WWOX: variants seen among roughly 807,000 people sequenced by gnomAD.
WWOX encodes WW domain-containing oxidoreductase.
In WWOX, 69 loss-of-function variants were observed where a neutral mutation model predicts 46.2. The observed-to-expected ratio is 1.49, with a 90% CI of 1.23 to 1.82. WWOX has a LOEUF of 1.82. Ranked by LOEUF, WWOX falls within the 40% of genes most tolerant of loss-of-function variation. The pLI is 0.00. For synonymous variants in WWOX, 359 were observed against 202.6 expected (o/e 1.77, Z -6.56); for missense variants, 919 against 542.6 (o/e 1.69, Z -6.89).
At chr16:78,844,955 T>C (rs977935024) in intron 8 of WWOX, among the ~76,000 whole-genome samples, 1 of 152,148 alleles carries the variant, frequency 6.6e-6, no homozygotes, top group African/African-American at 2.4e-5. Flanking sequence ...GACTGGCCTA[T>C]TGAGGCAGGA....
intron 5 of WWOX, among the ~76,000 whole-genome samples, chr16:78,326,343 C>A (rs1192666612): frequency 1.3e-5 from 2 of 152,110 alleles, no homozygotes; most frequent in African/African-American, 4.8e-5. Context: ...TATGATATGC[C>A]AATTTGGCAT....
At chr16:78,877,061 T>C (rs980090894) in intron 8 of WWOX, among the ~76,000 whole-genome samples, 2 of 152,186 alleles carry the variant, frequency 1.3e-5, no homozygotes, top group African/African-American at 4.8e-5. Context: ...AGAAACAAAT[T>C]CTTTTCCTTA....
intron 5 of WWOX, among the ~76,000 whole-genome samples, chr16:78,379,402 A>C (rs1303366431): frequency 6.6e-6 from 1 of 152,060 alleles, no homozygotes; most frequent in East Asian, 1.9e-4. Context: ...CTCCAGATAC[A>C]ATGGAGGCCA....
intron 7 of WWOX, 130 bp from the exon 8 acceptor site, chr16:78,432,358 A>C (rs1259946225): frequency 7.9e-7 from 1 of 1,260,636 alleles, no homozygotes; most frequent in Non-Finnish European, 1.1e-6. Flanking sequence ...CACTCGTCTA[A>C]GACTCCCAAA....
chr16:78,947,733 C>T (rs1178239759), intron 8 of WWOX, among the ~76,000 whole-genome samples: 1 of 152,132 alleles, frequency 6.6e-6, no homozygotes, highest in East Asian at 1.9e-4. Flanking sequence ...AAGAATGTGC[C>T]ACCTAGATGC....
At chr16:78,952,993 C>G (rs538040862) in intron 8 of WWOX, among the ~76,000 whole-genome samples, 1 of 149,956 alleles carries the variant, frequency 6.7e-6, no homozygotes, top group East Asian at 1.9e-4. Context: ...AAAAATCACG[C>G]ATTTCTCTGA....
chr16:78,664,197 G>C (rs1213393311), intron 8 of WWOX, among the ~76,000 whole-genome samples: 1 of 152,170 alleles, frequency 6.6e-6, no homozygotes, highest in African/African-American at 2.4e-5. Context: ...AAACAGGATG[G>C]ATTCAGGAAA....
intron 8 of WWOX, among the ~76,000 whole-genome samples, chr16:79,097,598 C>G (rs560939119): frequency 6.6e-6 from 1 of 152,192 alleles, no homozygotes; most frequent in South Asian, 2.1e-4. Context: ...AGAGAGAGCC[C>G]CTCAGGTTCT....
At chr16:78,135,406 G>A (rs1052222458) in intron 4 of WWOX, among the ~76,000 whole-genome samples, 4 of 152,148 alleles carry the variant, frequency 2.6e-5, no homozygotes, top group African/African-American at 4.8e-5. Context: ...CATAAAAGAC[G>A]TACAGTAGGC....
At chr16:78,099,950 G>A in intron 1 of WWOX, 65 bp downstream of exon 1, 1 of 1,530,938 alleles carries the variant, frequency 6.5e-7, no homozygotes, top group Non-Finnish European at 8.8e-7. Flanking sequence ...GACGCCACCT[G>A]CGCGGGGAGG....
At chr16:78,236,173 T>C (rs1440734253) in intron 5 of WWOX, among the ~76,000 whole-genome samples, 1 of 152,246 alleles carries the variant, frequency 6.6e-6, no homozygotes, top group Non-Finnish European at 1.5e-5. Context: ...TCTGAATCTT[T>C]CTAATCTCGT....
At chr16:78,499,519 G>A (rs186865787) in intron 8 of WWOX, among the ~76,000 whole-genome samples, 3 of 152,346 alleles carry the variant, frequency 2.0e-5, no homozygotes, top group Middle Eastern at 3.4e-3. Context: ...AGCGACTGCA[G>A]ATTACTCATC....
At chr16:78,672,548 G>A (rs1034348504) in intron 8 of WWOX, among the ~76,000 whole-genome samples, 1 of 152,188 alleles carries the variant, frequency 6.6e-6, no homozygotes, top group African/African-American at 2.4e-5. Context: ...AGTGTAGCAT[G>A]GCAAGAGAAG....
intron 5 of WWOX, among the ~76,000 whole-genome samples, chr16:78,196,401 T>A (rs1458542268): frequency 6.6e-6 from 1 of 152,240 alleles, no homozygotes; most frequent in Non-Finnish European, 1.5e-5. Context: ...TAATTACTGC[T>A]GTACTCTTTA....
At position 78,108,475 on chromosome 16, in the gene WWOX, C is replaced by T. The variant is rs587777248; in HGVS notation, c.160C>T (p.Arg54Ter). 6.8e-6 allele frequency: 11 copies of T among 1,612,980 alleles called. No individual in the cohort carries two copies. Among genetic ancestry groups the T allele is most frequent in the East Asian group, 6.7e-5 (3 of 44,870 alleles). The change falls in exon 2 of 9, where the codon CGA becomes TGA. Residue 54 changes from arginine (R) to a stop codon, truncating the protein, a stop_gained. Coordinates refer to ENST00000566780, the MANE Select transcript of WWOX (RefSeq NM_016373.4). LOFTEE classifies it high-confidence loss of function. ...ACATCCAAAAACTGGAAAAAGAAAACGAGTGGCAGGAGGTTTGTATGTTGT... is the reference window on the plus strand; with the variant it reads ...ACATCCAAAAACTGGAAAAAGAAAATGAGTGGCAGGAGGTTTGTATGTTGT... Reference protein sequence around the residue: ...WEHPKTGKRKRVAGDLPYGWE... With the variant: ...WEHPKTGKRK
At position 78,115,103 on chromosome 16, in the gene WWOX, C is replaced by G; in HGVS notation, c.358C>G (p.Arg120Gly). ...CACTGCCATGGAAATTCTCCAGGGC[C>G]GGGATTTCACTGGCAAAGTGGTTGT... The part of the protein sequence containing the change: ...STTAMEILQG[R>G]DFTGKVVVVT... The change falls in exon 4 of 9, where the codon CGG (arginine) becomes GGG (glycine). Residue 120 changes from arginine to glycine, a missense_variant. Physicochemically the swap from Arg to Gly is moderately radical, Grantham distance 125. Transcript: ENST00000566780. The G allele has an allele frequency of 6.2e-7, 1 of 1,614,110 alleles. No individual in the cohort carries two copies. The highest frequency in any genetic ancestry group is 8.5e-7 in the Non-Finnish European group (1 of 1,180,030).
chr16:78,489,801 G>A (rs1202354640), intron 8 of WWOX, among the ~76,000 whole-genome samples: 2 of 152,168 alleles, frequency 1.3e-5, no homozygotes, highest in Non-Finnish European at 2.9e-5. Context: ...TGGGACCACA[G>A]TTCCGGCTGG....
At chr16:78,481,768 C>CGT (rs1315003852) in intron 8 of WWOX, among the ~76,000 whole-genome samples, 1 of 84,876 alleles carries the variant, frequency 1.2e-5, no homozygotes, top group African/African-American at 3.4e-5. Flanking sequence ...TGTGTGTGCG[C>CGT]GCGCCTGCAT....
At chr16:79,134,842 C>T (rs1045625927) in intron 8 of WWOX, among the ~76,000 whole-genome samples, 4 of 152,166 alleles carry the variant, frequency 2.6e-5, no homozygotes, top group African/African-American at 9.7e-5. Context: ...AATGGGTCCC[C>T]ACCAGGGGTG....
Sources: gnomAD v4.1 joint callset for allele counts (sites outside exome capture counted in the v4.1 genomes callset) on GRCh38, gnomAD v4.1.1 for gene constraint, MANE v1.5 for transcripts, NCBI Gene and HGNC (gene_info 2026-07-23, HGNC 2026-07-21) for gene names.